CDH9: variants seen among roughly 807,000 people sequenced by gnomAD.
CDH9 encodes cadherin 9.
CDH9 carries 28 observed loss-of-function variants against 70.9 expected under a neutral mutation model. The observed-to-expected ratio is 0.40, with a 90% CI of 0.29 to 0.54. The LOEUF (loss-of-function observed/expected upper bound fraction) is 0.54, where lower values mean the gene tolerates loss of function less well. CDH9 is among the 20% of genes least tolerant of loss of function. The pLI is 0.59. For missense variants in CDH9, 874 were observed against 984.4 expected, an observed-to-expected ratio of 0.89 and a Z score of 1.50; for synonymous variants, 409 against 343.1, an observed-to-expected ratio of 1.19 and a Z score of -2.12.
At chr5:26,973,574 CA>C (rs1186509308) in intron 2 of CDH9, among the ~76,000 whole-genome samples, 1 of 152,048 alleles carries the variant, frequency 6.6e-6, no homozygotes, top group East Asian at 1.9e-4. Flanking sequence ...CACTATTCGT[CA>C]ATTTCAACCT....
In CDH9 at chr5:26,885,690, T is replaced by C. The variant is rs754519888; in HGVS notation, c.1806A>G (p.Ala602=). ...DNQGNMQSCT[A]EALILSAGLS... is the part of the protein sequence containing the mutation. Reference sequence around the variant, plus strand: ...GGCCGGCTGAAAGGATCAGGGCTTCTGCGGTGCAGGATTGCATGTTTCCTT... The same window carrying C: ...GGCCGGCTGAAAGGATCAGGGCTTCCGCGGTGCAGGATTGCATGTTTCCTT... The change falls in exon 11 of 12, where the codon GCA becomes GCG. Residue 602 remains alanine (A), a synonymous_variant. Transcript: ENST00000231021. 1 of 1,613,664 alleles carries C rather than the reference T, an allele frequency of 6.2e-7. No individual in the cohort carries two copies. Among genetic ancestry groups the C allele is most frequent in the Non-Finnish European group, 8.5e-7 (1 of 1,179,808 alleles).
At chr5:26,987,925 T>G (rs538687843) in intron 2 of CDH9, among the ~76,000 whole-genome samples, 181 bp downstream of exon 2, 1 of 152,248 alleles carries the variant, frequency 6.6e-6, no homozygotes, top group African/African-American at 2.4e-5. Context: ...GACATTGATT[T>G]ACATTTAGAA....
chr5:26,890,583 A>G lies in CDH9; in HGVS notation c.1254-19T>C. The stretch of plus-strand genomic sequence containing the variant: ...AGAGTACCTGGCAGAAGACAGACTC[A>G]TAAATCCAGGCATTCTTCTAAGGTT... On this transcript the variant is annotated intron_variant, in intron 7 of 11. Transcript: ENST00000231021. 6.3e-7 allele frequency: 1 copy of G among 1,579,784 alleles called. No individual in the cohort carries two copies. The highest frequency in any genetic ancestry group is 8.7e-7 in the Non-Finnish European group (1 of 1,149,238).
At chr5:26,990,071 A>G (rs1349464035) in intron 1 of CDH9, among the ~76,000 whole-genome samples, 1 of 152,184 alleles carries the variant, frequency 6.6e-6, no homozygotes, top group Non-Finnish European at 1.5e-5. Context: ...CGTTTTTAAT[A>G]TAAGACAATG....
intron 1 of CDH9, among the ~76,000 whole-genome samples, chr5:27,005,584 A>T (rs546975891): frequency 6.6e-6 from 1 of 152,250 alleles, no homozygotes; most frequent in South Asian, 2.1e-4. Context: ...AAACTAGTTC[A>T]ACTACTGTGG....
chr5:26,894,308 T>A (rs180717814), intron 7 of CDH9, among the ~76,000 whole-genome samples: 1 of 152,240 alleles, frequency 6.6e-6, no homozygotes, highest in African/African-American at 2.4e-5. Flanking sequence ...CTAGAGATTT[T>A]GATGGTATTT....
intron 2 of CDH9, among the ~76,000 whole-genome samples, chr5:26,973,591 A>T (rs900139085): frequency 1.5e-4 from 23 of 152,246 alleles, no homozygotes; most frequent in East Asian, 3.9e-4. Flanking sequence ...AACCTCTTCC[A>T]TGGCCAAAGC....
At chr5:26,990,289 G>A (rs1742559434) in intron 1 of CDH9, among the ~76,000 whole-genome samples, 1 of 152,120 alleles carries the variant, frequency 6.6e-6, no homozygotes, top group Admixed American at 6.6e-5. Flanking sequence ...AGAGCTACAG[G>A]TTCTGTCCAA....
intron 8 of CDH9, 87 bp downstream of exon 8, chr5:26,890,341 C>T: frequency 9.5e-6 from 10 of 1,047,688 alleles, no homozygotes; most frequent in Middle Eastern, 4.2e-4. Context: ...ACAATCATAC[C>T]ACTCAAGAAA....
intron 1 of CDH9, among the ~76,000 whole-genome samples, chr5:27,012,140 A>C (rs1742969758): frequency 6.6e-6 from 1 of 151,924 alleles, no homozygotes. Flanking sequence ...AAAATGGTAC[A>C]TTTTCAGCAT....
chr5:26,881,497 T>C lies in CDH9; in HGVS notation c.2009A>G (p.Gln670Arg), dbSNP rs1254001449. The C allele has an allele frequency of 6.8e-6, 11 of 1,613,694 alleles. No individual in the cohort carries two copies. Among genetic ancestry groups the C allele is most frequent in the Non-Finnish European group, 9.3e-6 (11 of 1,179,828 alleles). ...NDEGGGEEDT[Q>R]AFDIGTLRNP... Reference sequence around the variant, plus strand: ...CCTTAATGTGCCAATGTCAAAAGCTTGGGTATCTTCTTCCCCGCCGCCTTC... The same window carrying C: ...CCTTAATGTGCCAATGTCAAAAGCTCGGGTATCTTCTTCCCCGCCGCCTTC... The change falls in exon 12 of 12, where the codon CAA (glutamine) becomes CGA (arginine). Residue 670 changes from glutamine (Q) to arginine (R), a missense_variant. Physicochemically the swap from Gln to Arg is conservative, Grantham distance 43. Coordinates refer to ENST00000231021, the MANE Select transcript of CDH9 (RefSeq NM_016279.4).
intron 1 of CDH9, among the ~76,000 whole-genome samples, chr5:27,027,476 C>G (rs535875589): frequency 6.6e-6 from 1 of 151,958 alleles, no homozygotes; most frequent in Non-Finnish European, 1.5e-5. Context: ...ATTAAAGAAG[C>G]CATCAATTGT....
intron 3 of CDH9, among the ~76,000 whole-genome samples, chr5:26,907,462 T>G (rs917406959): frequency 6.6e-6 from 1 of 152,246 alleles, no homozygotes; most frequent in South Asian, 2.1e-4. Flanking sequence ...TGCATAATAC[T>G]GGTTATTTGC....
chr5:26,954,708 T>G (rs1295426609), intron 2 of CDH9, among the ~76,000 whole-genome samples: 8 of 152,006 alleles, frequency 5.3e-5, no homozygotes, highest in Non-Finnish European at 1.0e-4. Flanking sequence ...TTTTTATTCT[T>G]GAAAAAAAAC....
chr5:26,885,825 A>T lies in CDH9; in HGVS notation c.1671T>A (p.Ser557Arg), dbSNP rs1740556170. Residue 557 changes from serine to arginine, a missense_variant, in exon 11 of 12, where the codon AGT becomes AGA. By Grantham distance (110) the Ser-to-Arg change is moderately radical. Transcript: ENST00000231021. The part of the protein sequence containing the change: ...AGIMTRKDGY[S>R]RNKMSTYLLP... ...ATAAGTAGGTGCTCATTTTGTTGCGACTGTAGCCATCTTTCCGAGTCATGA... is the reference window on the plus strand; with the variant it reads ...ATAAGTAGGTGCTCATTTTGTTGCGTCTGTAGCCATCTTTCCGAGTCATGA... 6 of 1,613,934 alleles carry T rather than the reference A, an allele frequency of 3.7e-6. No individual in the cohort carries two copies. Among genetic ancestry groups the T allele is most frequent in the Non-Finnish European group, 5.1e-6 (6 of 1,179,894 alleles).
chr5:26,907,179 T>G lies in CDH9; in HGVS notation c.524-341A>C, dbSNP rs192327413. ...ATATAACACACATGAAATTTGTAAT[T>G]AATACATTTACCACTAACTGGAAAC... On this transcript the variant is annotated intron_variant, in intron 3 of 11. Coordinates refer to ENST00000231021, the MANE Select transcript of CDH9 (RefSeq NM_016279.4). Among the ~76,000 whole-genome samples the G allele has an allele frequency of 7.9e-5, 12 of 152,238 alleles. No individual in the cohort carries two copies. In the East Asian group the frequency reaches 2.3e-3, roughly 29 times the overall value.
intron 1 of CDH9, among the ~76,000 whole-genome samples, chr5:26,990,124 A>G (rs1368643115): frequency 6.6e-6 from 1 of 152,048 alleles, no homozygotes; most frequent in Admixed American, 6.6e-5. Flanking sequence ...AACTCAACAT[A>G]TTAGCATTAT....
intron 1 of CDH9, among the ~76,000 whole-genome samples, chr5:27,035,701 T>TCAC (rs1743381103): frequency 1.6e-5 from 2 of 121,504 alleles, no homozygotes; most frequent in African/African-American, 5.8e-5. Flanking sequence ...TGTGTGTGTG[T>TCAC]GTGTGTGTGG....
chr5:27,019,597 A>G (rs891823560), intron 1 of CDH9, among the ~76,000 whole-genome samples: 2 of 151,910 alleles, frequency 1.3e-5, no homozygotes, highest in African/African-American at 2.4e-5. Context: ...ATATGCTGAA[A>G]TCAAGCTCAT....
Sources: gnomAD v4.1 joint callset for allele counts (sites outside exome capture counted in the v4.1 genomes callset) on GRCh38, gnomAD v4.1.1 for gene constraint, MANE v1.5 for transcripts, NCBI Gene and HGNC (gene_info 2026-07-23, HGNC 2026-07-21) for gene names.